The following KCNIP4 variants were observed in gnomAD, a reference collection of about 807,000 sequenced individuals.
KCNIP4 encodes Kv channel-interacting protein 4.
Under a neutral mutation model 34.0 loss-of-function variants are expected in KCNIP4, and 12 were observed. The observed-to-expected ratio is 0.35, with a 90% CI of 0.23 to 0.57. KCNIP4 has a LOEUF of 0.57. Among genes scored for constraint, KCNIP4 ranks in the 20% least tolerant of loss-of-function variants. The pLI is 0.83. For synonymous variants in KCNIP4, 124 were observed against 102.2 expected (o/e 1.21, Z -1.29); for missense variants, 238 against 311.7 (o/e 0.76, Z 1.78).
chr4:21,010,879 A>G (rs1739003777), intron 1 of KCNIP4, among the ~76,000 whole-genome samples: 1 of 152,160 alleles, frequency 6.6e-6, no homozygotes, highest in African/African-American at 2.4e-5. Context: ...CCAATTTGAA[A>G]TTCATACTAA....
chr4:21,374,452 C>T (rs1414278684), intron 1 of KCNIP4, among the ~76,000 whole-genome samples: 2 of 146,942 alleles, frequency 1.4e-5, no homozygotes, highest in African/African-American at 5.5e-5. Flanking sequence ...AAACCATACC[C>T]ATGATTCAGT....
At chr4:21,099,041 A>G (rs983612091) in intron 1 of KCNIP4, among the ~76,000 whole-genome samples, 2 of 152,224 alleles carry the variant, frequency 1.3e-5, no homozygotes, top group African/African-American at 4.8e-5. Context: ...TACTTCAGCC[A>G]TTGTGGAAGA....
intron 1 of KCNIP4, among the ~76,000 whole-genome samples, chr4:21,072,776 T>G (rs536700466): frequency 6.6e-6 from 1 of 152,330 alleles, no homozygotes; most frequent in African/African-American, 2.4e-5. Context: ...TTTATGGTTT[T>G]GGGTCTAACA....
intron 1 of KCNIP4, among the ~76,000 whole-genome samples, chr4:21,027,288 A>G (rs28694471): frequency 0.028 from 4,232 of 152,222 alleles, 184 homozygotes; most frequent in African/African-American, 0.095. Context: ...TGGATTGTCT[A>G]TGGCTACAAC....
chr4:21,297,853 T>C (rs759328717), intron 1 of KCNIP4, among the ~76,000 whole-genome samples: 2 of 152,178 alleles, frequency 1.3e-5, no homozygotes, highest in Non-Finnish European at 2.9e-5. Flanking sequence ...ATTTTTTTAA[T>C]GGGCATATTC....
intron 1 of KCNIP4, among the ~76,000 whole-genome samples, chr4:21,323,047 G>A (rs912390014): frequency 4.0e-5 from 6 of 151,444 alleles, no homozygotes; most frequent in Admixed American, 3.3e-4. Flanking sequence ...AATGACTTCT[G>A]GTGATGAATT....
At chr4:21,112,025 G>GTATCCATCTATCCATC (rs35053587) in intron 1 of KCNIP4, among the ~76,000 whole-genome samples, 6 of 114,730 alleles carry the variant, frequency 5.2e-5, no homozygotes, top group Non-Finnish European at 1.8e-5. Context: ...TCCTTTCTCT[G>GTATCCATCTATCCATC]TATCTATCTA....
intron 4 of KCNIP4, among the ~76,000 whole-genome samples, chr4:20,755,672 G>A (rs909234721): frequency 2.6e-5 from 4 of 152,170 alleles, no homozygotes; most frequent in Non-Finnish European, 4.4e-5. Flanking sequence ...AAGGGGATGG[G>A]GAATGTTTAA....
intron 1 of KCNIP4, among the ~76,000 whole-genome samples, chr4:21,840,326 T>C (rs1171591876): frequency 1.3e-5 from 2 of 152,098 alleles, no homozygotes; most frequent in Admixed American, 1.3e-4. Flanking sequence ...GTCTGTAGTC[T>C]TCCACCGTAG....
chr4:21,190,777 C>T (rs948593508), intron 1 of KCNIP4, among the ~76,000 whole-genome samples: 12 of 152,184 alleles, frequency 7.9e-5, no homozygotes, highest in South Asian at 2.1e-4. Context: ...AATCTATTTA[C>T]ATATTCTTCC....
chr4:21,309,637 C>T (rs567884974), intron 1 of KCNIP4, among the ~76,000 whole-genome samples: 21 of 152,250 alleles, frequency 1.4e-4, no homozygotes, highest in Admixed American at 3.3e-4. Flanking sequence ...CCTCTGTAAA[C>T]CCTATGAGGC....
intron 3 of KCNIP4, among the ~76,000 whole-genome samples, chr4:20,833,525 G>T (rs554947446): frequency 6.8e-6 from 1 of 147,882 alleles, no homozygotes; most frequent in Non-Finnish European, 1.5e-5. Flanking sequence ...AAATCTTTAC[G>T]GGTCATATGT....
At chr4:21,377,990 G>A (rs1014537356) in intron 1 of KCNIP4, among the ~76,000 whole-genome samples, 11 of 152,072 alleles carry the variant, frequency 7.2e-5, no homozygotes, top group Non-Finnish European at 1.5e-4. Flanking sequence ...TGCTATTTAG[G>A]ATGCCATTTG....
chr4:21,804,207 C>T (rs1169015587), intron 1 of KCNIP4, among the ~76,000 whole-genome samples: 1 of 152,196 alleles, frequency 6.6e-6, no homozygotes, highest in Non-Finnish European at 1.5e-5. Flanking sequence ...GCAAGAAGGA[C>T]AATGCAAGGC....
At chr4:21,650,737 C>T (rs1747422577) in intron 1 of KCNIP4, among the ~76,000 whole-genome samples, 1 of 152,164 alleles carries the variant, frequency 6.6e-6, no homozygotes, top group Non-Finnish European at 1.5e-5. Context: ...CAACTCCAGA[C>T]ATGAAATAAC....
intron 1 of KCNIP4, among the ~76,000 whole-genome samples, chr4:21,939,604 C>T (rs917677949): frequency 3.3e-5 from 5 of 152,138 alleles, no homozygotes; most frequent in Non-Finnish European, 7.4e-5. Context: ...ACACAGTGCA[C>T]CTACGTTTCA....
intron 1 of KCNIP4, among the ~76,000 whole-genome samples, chr4:21,043,964 C>G (rs989782497): frequency 6.6e-6 from 1 of 152,020 alleles, no homozygotes; most frequent in African/African-American, 2.4e-5. Flanking sequence ...CCATTGGTTT[C>G]CATTGGGTGG....
intron 1 of KCNIP4, among the ~76,000 whole-genome samples, chr4:21,702,077 G>A (rs1269380774): frequency 6.6e-6 from 1 of 152,090 alleles, no homozygotes; most frequent in Non-Finnish European, 1.5e-5. Context: ...TAGATATGTT[G>A]TTCAATGCAG....
At chr4:21,151,406 A>AT (rs35983306) in intron 1 of KCNIP4, among the ~76,000 whole-genome samples, 10,359 of 50,756 alleles carry the variant, frequency 0.2, 992 homozygotes, top group Non-Finnish European at 0.28. Flanking sequence ...ACAAAAGACA[A>AT]TTTTTTTTTT....
Sources: allele counts gnomAD v4.1 joint callset (sites outside exome capture counted in the v4.1 genomes callset), GRCh38; gene constraint gnomAD v4.1.1; transcripts MANE v1.5; gene names NCBI Gene and HGNC (gene_info 2026-07-23, HGNC 2026-07-21).